GABRR3: variants seen among roughly 807,000 people sequenced by gnomAD.
GABRR3 encodes gamma-aminobutyric acid receptor subunit rho-3.
In GABRR3, 29 loss-of-function variants were observed where a neutral mutation model predicts 43.2. That is an observed-to-expected ratio of 0.67 (90% CI 0.50 to 0.92). The LOEUF (loss-of-function observed/expected upper bound fraction) is 0.92, where lower values mean the gene tolerates loss of function less well. Ranked by LOEUF, GABRR3 falls within the 40% of genes least tolerant of loss-of-function variation. GABRR3 has a pLI of 0.00. For synonymous variants in GABRR3, 206 were observed against 195.9 expected (o/e 1.05, Z -0.43); for missense variants, 576 against 572.3 (o/e 1.01, Z -0.07).
intron 7 of GABRR3, among the ~76,000 whole-genome samples, chr3:98,006,723 G>A (rs991134756): frequency 6.6e-6 from 1 of 152,062 alleles, no homozygotes; most frequent in Non-Finnish European, 1.5e-5. Context: ...ATATGGATTC[G>A]GCCTAAAATA....
chr3:98,003,754 C>T (rs994295023), intron 7 of GABRR3, among the ~76,000 whole-genome samples: 7 of 152,104 alleles, frequency 4.6e-5, no homozygotes, highest in African/African-American at 1.2e-4. Context: ...TCTTGTCCTA[C>T]GACAGGCAGC....
At chr3:98,025,701 A>G in intron 2 of GABRR3, 22 bp from the exon 3 acceptor site, 1 of 1,532,664 alleles carries the variant, frequency 6.5e-7, no homozygotes, top group Non-Finnish European at 8.9e-7. Context: ...AAGGGAAAAA[A>G]AAAACTTCTG....
chr3:98,029,880 C>A (rs1707063656), intron 2 of GABRR3, among the ~76,000 whole-genome samples: 1 of 151,860 alleles, frequency 6.6e-6, no homozygotes, highest in African/African-American at 2.4e-5. Flanking sequence ...CTTTGGGAGG[C>A]GAAGGCGGGC....
chr3:98,027,947 T>TA (rs1008413502), intron 2 of GABRR3, among the ~76,000 whole-genome samples: 2 of 151,870 alleles, frequency 1.3e-5, no homozygotes, highest in African/African-American at 4.8e-5. Flanking sequence ...ATTCTTTTTT[T>TA]AAAAAAAACT....
chr3:97,993,117 C>A, intron 8 of GABRR3, 69 bp from the exon 9 acceptor site: 1 of 1,267,876 alleles, frequency 7.9e-7, no homozygotes, highest in Non-Finnish European at 1.1e-6. Context: ...TGCTGAATCA[C>A]ACCAGGGGAT....
intron 4 of GABRR3, among the ~76,000 whole-genome samples, chr3:98,014,661 T>C (rs1361206110): frequency 1.3e-5 from 2 of 152,210 alleles, no homozygotes; most frequent in Non-Finnish European, 2.9e-5. Flanking sequence ...GTTTACAGAC[T>C]GAAACAAGGT....
At chr3:98,015,359 A>AT (rs879624373) in intron 4 of GABRR3, among the ~76,000 whole-genome samples, 342 of 151,954 alleles carry the variant, frequency 2.3e-3, no homozygotes, top group African/African-American at 2.8e-3. Context: ...CACCCAGCTA[A>AT]TTTTTTTTGT....
chr3:98,024,680 C>T (rs1299814036), intron 3 of GABRR3, among the ~76,000 whole-genome samples: 2 of 152,180 alleles, frequency 1.3e-5, no homozygotes, highest in East Asian at 3.8e-4. Context: ...TCCCTCATCT[C>T]CACATCTCTA....
At chr3:97,998,173 A>C (rs941583623) in intron 8 of GABRR3, 2 of 152,204 alleles carry the variant, frequency 1.3e-5, no homozygotes, top group Admixed American at 1.3e-4. Context: ...TTGCATGAAG[A>C]TAGTGCATAG....
intron 3 of GABRR3, among the ~76,000 whole-genome samples, chr3:98,022,170 T>C (rs1706956873): frequency 6.6e-6 from 1 of 152,176 alleles, no homozygotes; most frequent in Admixed American, 6.5e-5. Flanking sequence ...AACAAAGAAA[T>C]TATCATCTAT....
chr3:97,993,054 A>G lies in GABRR3; in HGVS notation c.908-6T>C. ...GGTCAGCACTGTGGTGATTCCTGCCATTTGAGAATAGTGGCAAGCTCAGTG... is the reference window on the plus strand; with the variant it reads ...GGTCAGCACTGTGGTGATTCCTGCCGTTTGAGAATAGTGGCAAGCTCAGTG... On this transcript the variant is annotated splice_region_variant and splice_polypyrimidine_tract_variant and intron_variant, in intron 8 of 9. Transcript: ENST00000621172. The G allele has an allele frequency of 6.3e-7, 1 of 1,583,322 alleles. No homozygotes were observed. The highest frequency in any genetic ancestry group is 8.6e-7 in the Non-Finnish European group (1 of 1,163,026).
intron 4 of GABRR3, among the ~76,000 whole-genome samples, chr3:98,016,246 T>C (rs1309859230): frequency 1.3e-5 from 2 of 152,188 alleles, no homozygotes; most frequent in Non-Finnish European, 2.9e-5. Context: ...CGGCAGATCC[T>C]TCAGGAATAG....
chr3:97,986,685 A>T, exon 10 of GABRR3: 1 of 1,512,610 alleles, frequency 6.6e-7, no homozygotes, highest in Middle Eastern at 1.7e-4. Flanking sequence ...ATTCCCCTTC[A>T]TACATATACA....
chr3:98,020,950 C>G (rs974816827), intron 3 of GABRR3, among the ~76,000 whole-genome samples: 1 of 150,498 alleles, frequency 6.6e-6, no homozygotes, highest in South Asian at 2.1e-4. Context: ...CAACCTCCAC[C>G]TCCTGGGTTC....
At position 97,986,987 on chromosome 3, in the gene GABRR3, C is replaced by CA. The variant is rs765676985; in HGVS notation, c.1105-6dup. 1 of 1,541,288 alleles carries CA rather than the reference C, an allele frequency of 6.5e-7. No homozygotes were observed. Among genetic ancestry groups the CA allele is most frequent in the Non-Finnish European group, 8.7e-7 (1 of 1,147,706 alleles). ...AATATTGTACATCCTAGAAATCTGT[C>CA]AAAAAACTTTTTTTTAAAGTAGGTC... On this transcript the variant is annotated splice_polypyrimidine_tract_variant and splice_region_variant and intron_variant, in intron 9 of 9. Coordinates refer to ENST00000621172, the Ensembl canonical transcript of GABRR3.
intron 3 of GABRR3, among the ~76,000 whole-genome samples, chr3:98,018,973 G>A (rs1250027619): frequency 6.6e-6 from 1 of 152,048 alleles, no homozygotes; most frequent in African/African-American, 2.4e-5. Flanking sequence ...AGCCAGGCGT[G>A]ATGGTGTGTG....
chr3:97,990,049 C>T lies in GABRR3; in HGVS notation c.1104+2803G>A, dbSNP rs190582923. Among the ~76,000 whole-genome samples the T allele has an allele frequency of 1.9e-3, 294 of 152,296 alleles. 1 individual carries two copies. Among genetic ancestry groups the T allele is most frequent in the African/African-American group, 5.8e-3 (239 of 41,554 alleles). On this transcript the variant is annotated intron_variant, in intron 9 of 9. Coordinates refer to ENST00000621172, the Ensembl canonical transcript of GABRR3. ...TCTATCCGGCCTCTCCCATTGCATCCTATTTCTTCCAAGGCATCTCATCCT... is the reference window on the plus strand; with the variant it reads ...TCTATCCGGCCTCTCCCATTGCATCTTATTTCTTCCAAGGCATCTCATCCT...
chr3:98,019,107 C>T lies in GABRR3; in HGVS notation c.239-1385G>A, dbSNP rs1448062969. On this transcript the variant is annotated intron_variant, in intron 3 of 9. Transcript: ENST00000621172. ...TCTGGGTGACAGAGCTAGACTCTCTCTCAAAAAAAAAAAGAAAAAGAAAAA... is the reference window on the plus strand; with the variant it reads ...TCTGGGTGACAGAGCTAGACTCTCTTTCAAAAAAAAAAAGAAAAAGAAAAA... Among the ~76,000 whole-genome samples the T allele has an allele frequency of 3.2e-5, 2 of 63,032 alleles. 1 individual carries two copies. The highest frequency in any genetic ancestry group is 8.4e-5 in the African/African-American group (2 of 23,850). 41.4% of individuals were successfully genotyped at this position (63,032 alleles called of 152,430 possible).
exon 5 of GABRR3, chr3:98,012,475 A>G (rs924132509): frequency 2.5e-6 from 4 of 1,613,980 alleles, no homozygotes; most frequent in Admixed American, 1.7e-5. Context: ...TGGTCAATCT[A>G]TGATCAAATG....
Sources: gnomAD v4.1 joint callset for allele counts (sites outside exome capture counted in the v4.1 genomes callset) on GRCh38, gnomAD v4.1.1 for gene constraint, MANE v1.5 for transcripts, NCBI Gene and HGNC (gene_info 2026-07-23, HGNC 2026-07-21) for gene names.